The following GALNT10 variants were observed in gnomAD, a reference collection of about 807,000 sequenced individuals.
GALNT10 encodes the protein GalNAc transferase 10.
Under a neutral mutation model 75.0 loss-of-function variants are expected in GALNT10, and 41 were observed. The observed-to-expected ratio is 0.55, with a 90% CI of 0.43 to 0.71. The LOEUF is 0.71. Ranked by LOEUF, GALNT10 falls within the 30% of genes least tolerant of loss-of-function variation. The probability of loss-of-function intolerance (pLI) is 0.00; values close to 1 mark genes in which losing one functional copy is unlikely to be tolerated. For synonymous variants in GALNT10, 302 were observed against 313.0 expected (o/e 0.96, Z 0.37); for missense variants, 727 against 818.5 (o/e 0.89, Z 1.36).
At chr5:154,373,277 A>G (rs1444563076) in intron 4 of GALNT10, among the ~76,000 whole-genome samples, 1 of 152,202 alleles carries the variant, frequency 6.6e-6, no homozygotes, top group African/African-American at 2.4e-5. Flanking sequence ...GGTTATAATC[A>G]TGCTGTGTCA....
At chr5:154,327,639 T>A (rs1182257077) in intron 3 of GALNT10, among the ~76,000 whole-genome samples, 1 of 152,234 alleles carries the variant, frequency 6.6e-6, no homozygotes, top group Non-Finnish European at 1.5e-5. Flanking sequence ...GGGAACCAGC[T>A]CATTCTAAAG....
In GALNT10 at chr5:154,412,168, CT is replaced by C. The variant is rs1215945823; in HGVS notation, c.1387-720del. On this transcript the variant is annotated intron_variant, in intron 9 of 11. Transcript: ENST00000297107. The surrounding 1 kb of genome is among the most constrained non-coding windows in gnomAD (Gnocchi z 4.2). ...GCATTTTCATAGCCACCACAGCCCC[CT>C]ATCCCTCAGATAAAGTAGGATTGAT... Among the ~76,000 whole-genome samples, 4 of 152,194 alleles carry C rather than the reference CT, an allele frequency of 2.6e-5. No homozygotes were observed. Among genetic ancestry groups the C allele is most frequent in the Admixed American group, 2.0e-4 (3 of 15,288 alleles).
intron 3 of GALNT10, among the ~76,000 whole-genome samples, chr5:154,309,076 A>T (rs1344844768): frequency 6.6e-6 from 1 of 152,238 alleles, no homozygotes; most frequent in East Asian, 1.9e-4. Flanking sequence ...GGTAGAAAAA[A>T]TAATAAGAAT....
intron 1 of GALNT10, among the ~76,000 whole-genome samples, chr5:154,279,817 T>C (rs562015569): frequency 4.6e-5 from 7 of 152,166 alleles, no homozygotes; most frequent in Non-Finnish European, 8.8e-5. Context: ...GAGTTCTTTA[T>C]GCATTCTGAA....
In GALNT10 at chr5:154,402,029, G is replaced by A. The variant is rs1756177902; in HGVS notation, c.1057-2075G>A. Among the ~76,000 whole-genome samples, 1 of 152,126 alleles carries A rather than the reference G, an allele frequency of 6.6e-6. No individual in the cohort carries two copies. The highest frequency in any genetic ancestry group is 6.5e-5 in the Admixed American group (1 of 15,284). Reference sequence around the variant, plus strand: ...CCAGGGTCAGGACGGTCTCATATCAGGACGACTGCAAGAGCCTCCCGGGCC... The same window carrying A: ...CCAGGGTCAGGACGGTCTCATATCAAGACGACTGCAAGAGCCTCCCGGGCC... On this transcript the variant is annotated intron_variant, in intron 7 of 11. Transcript: ENST00000297107. This position sits in a 1 kb window ranked among gnomAD's most constrained non-coding sequence, Gnocchi z 4.2.
chr5:154,347,303 G>A (rs938011764), intron 4 of GALNT10: 7 of 457,758 alleles, frequency 1.5e-5, no homozygotes, highest in Admixed American at 6.2e-5. Flanking sequence ...TTTGGATCAA[G>A]AGTGATACAC....
At chr5:154,196,782 C>G (rs921658877) in intron 1 of GALNT10, among the ~76,000 whole-genome samples, 1 of 152,144 alleles carries the variant, frequency 6.6e-6, no homozygotes, top group African/African-American at 2.4e-5. Flanking sequence ...GGAGGAGAAG[C>G]TGTATTGATT....
chr5:154,414,014 T>C (rs369477342), intron 10 of GALNT10, among the ~76,000 whole-genome samples: 2 of 152,176 alleles, frequency 1.3e-5, no homozygotes, highest in African/African-American at 4.8e-5. Flanking sequence ...AAAAAATATA[T>C]GAATGGCAAA....
chr5:154,298,827 G>A lies in GALNT10; in HGVS notation c.401+748G>A, dbSNP rs115881973. 1.9e-3 allele frequency among the ~76,000 whole-genome samples: 286 copies of A among 152,210 alleles called. No homozygotes were observed. Among genetic ancestry groups the A allele is most frequent in the African/African-American group, 6.4e-3 (265 of 41,526 alleles). ...AGAGCCGTTCTTAAATTTGAGGTGC[G>A]TTAGAATCACTTGGAGGGTTGTTAG... On this transcript the variant is annotated intron_variant, in intron 3 of 11. Transcript: ENST00000297107. This position sits in a 1 kb window ranked among gnomAD's most constrained non-coding sequence, Gnocchi z 4.1.
intron 3 of GALNT10, among the ~76,000 whole-genome samples, chr5:154,304,748 T>C (rs905033734): frequency 1.3e-5 from 2 of 152,172 alleles, no homozygotes; most frequent in African/African-American, 4.8e-5. Flanking sequence ...AAAACATGTG[T>C]AAAATAAAAT....
intron 4 of GALNT10, among the ~76,000 whole-genome samples, chr5:154,359,096 T>A (rs567706221): frequency 6.6e-6 from 1 of 152,302 alleles, no homozygotes; most frequent in South Asian, 2.1e-4. Flanking sequence ...AGGAAACCAG[T>A]AATCATCTTA....
At chr5:154,201,396 T>C (rs972506105) in intron 1 of GALNT10, among the ~76,000 whole-genome samples, 2 of 149,674 alleles carry the variant, frequency 1.3e-5, no homozygotes, top group African/African-American at 4.9e-5. Flanking sequence ...CTAATGTACT[T>C]TTCAGAGAAA....
At chr5:154,293,139 G>T (rs946514604) in intron 1 of GALNT10, among the ~76,000 whole-genome samples, 2 of 152,182 alleles carry the variant, frequency 1.3e-5, no homozygotes, top group African/African-American at 4.8e-5. Context: ...CTAACACAGG[G>T]ATCAGCCAGA....
intron 1 of GALNT10, among the ~76,000 whole-genome samples, chr5:154,241,632 A>G (rs1043821758): frequency 1.3e-5 from 2 of 152,134 alleles, no homozygotes; most frequent in African/African-American, 4.8e-5. Flanking sequence ...TTCACTTAAT[A>G]TATTGTGAAT....
At chr5:154,278,708 C>T (rs1010118396) in intron 1 of GALNT10, among the ~76,000 whole-genome samples, 6 of 152,124 alleles carry the variant, frequency 3.9e-5, no homozygotes, top group African/African-American at 7.2e-5. Flanking sequence ...CAACAATCCC[C>T]GTTCTTACTC....
At chr5:154,337,350 C>T (rs917469032) in intron 4 of GALNT10, 17 of 504,444 alleles carry the variant, frequency 3.4e-5, no homozygotes, top group Middle Eastern at 1.2e-3. Context: ...TTCTTTGTAG[C>T]AGCTGGGCTC....
At chr5:154,387,622 G>A (rs1489965304) in intron 7 of GALNT10, 1 of 152,204 alleles carries the variant, frequency 6.6e-6, no homozygotes, top group Non-Finnish European at 1.5e-5. Context: ...TCACCTCACT[G>A]AGCCTTGGTT....
intron 4 of GALNT10, among the ~76,000 whole-genome samples, chr5:154,343,333 G>A (rs374069378): frequency 1.1e-4 from 16 of 152,336 alleles, no homozygotes; most frequent in African/African-American, 3.6e-4. Context: ...GACACCCAGA[G>A]AGGGGAAAGC....
intron 1 of GALNT10, among the ~76,000 whole-genome samples, chr5:154,254,571 T>C: frequency 6.6e-6 from 1 of 151,830 alleles, no homozygotes; most frequent in East Asian, 1.9e-4. Context: ...GAAAGAGGGA[T>C]AACATCAAAT....
Sources: gnomAD v4.1 joint callset for allele counts (sites outside exome capture counted in the v4.1 genomes callset) on GRCh38, gnomAD v4.1.1 for gene constraint, Gnocchi (gnomAD v3.1) non-coding constraint, MANE v1.5 for transcripts, NCBI Gene and HGNC (gene_info 2026-07-23, HGNC 2026-07-21) for gene names.